Variants in HECW1 observed in about 807,000 individuals in gnomAD.
HECW1 encodes the protein HECT, C2 and WW domain containing E3 ubiquitin protein ligase 1.
HECW1 carries 61 observed loss-of-function variants against 182.3 expected under a neutral mutation model. The observed-to-expected ratio is 0.33, with a 90% CI of 0.27 to 0.41. The LOEUF (loss-of-function observed/expected upper bound fraction) is 0.41, where lower values mean the gene tolerates loss of function less well. HECW1 is among the 10% of genes least tolerant of loss of function. The probability of loss-of-function intolerance (pLI) is 1.00; values close to 1 mark genes in which losing one functional copy is unlikely to be tolerated. For synonymous variants in HECW1, 859 were observed against 832.6 expected (o/e 1.03, Z -0.55); for missense variants, 1,739 against 2,108.9 (o/e 0.82, Z 3.44).
At chr7:43,446,280 C>T (rs889603165) in intron 11 of HECW1, among the ~76,000 whole-genome samples, 2 of 152,092 alleles carry the variant, frequency 1.3e-5, no homozygotes, top group African/African-American at 2.4e-5. Flanking sequence ...AGTTTTAAAA[C>T]GTATTCTGTG....
intron 8 of HECW1, among the ~76,000 whole-genome samples, chr7:43,410,829 T>C (rs1450415507): frequency 6.6e-6 from 1 of 152,176 alleles, no homozygotes; most frequent in Non-Finnish European, 1.5e-5. Context: ...CTTTTAATGT[T>C]TGTAGGCTTA....
intron 2 of HECW1, among the ~76,000 whole-genome samples, chr7:43,205,561 G>T (rs547661575): frequency 4.0e-4 from 61 of 152,308 alleles, no homozygotes; most frequent in African/African-American, 1.4e-3. Flanking sequence ...TCTGAATAGA[G>T]TCTGGTCAAG....
At chr7:43,247,945 AAAGG>A (rs2152723525) in intron 3 of HECW1, among the ~76,000 whole-genome samples, 1 of 141,116 alleles carries the variant, frequency 7.1e-6, no homozygotes, top group Admixed American at 6.9e-5. Context: ...GAGAGAGAAA[AAAGG>A]AGGGAAGGAA....
At chr7:43,279,498 C>T (rs751487226) in intron 3 of HECW1, among the ~76,000 whole-genome samples, 19 of 152,092 alleles carry the variant, frequency 1.2e-4, no homozygotes, top group Non-Finnish European at 2.1e-4. Flanking sequence ...ACCCGACCAT[C>T]CACGCTCTTC....
chr7:43,477,105 G>A (rs6978738), intron 16 of HECW1, among the ~76,000 whole-genome samples: 24,957 of 152,068 alleles, frequency 0.16, 2,608 homozygotes, highest in South Asian at 0.23. Flanking sequence ...TTCTTTTGTA[G>A]ATTCCCTGGG....
At chr7:43,217,513 G>C (rs1796548528) in intron 2 of HECW1, among the ~76,000 whole-genome samples, 1 of 152,144 alleles carries the variant, frequency 6.6e-6, no homozygotes, top group Non-Finnish European at 1.5e-5. Flanking sequence ...AGATGAATTG[G>C]GGTACCCTCG....
intron 2 of HECW1, among the ~76,000 whole-genome samples, chr7:43,132,663 A>G (rs73097362): frequency 0.048 from 7,284 of 152,120 alleles, 250 homozygotes; most frequent in East Asian, 0.16. Flanking sequence ...AATTAACCCA[A>G]TTTTGCCCAG....
intron 13 of HECW1, among the ~76,000 whole-genome samples, chr7:43,456,982 A>G (rs773080576): frequency 3.3e-5 from 5 of 152,256 alleles, no homozygotes; most frequent in Non-Finnish European, 5.9e-5. Context: ...TAATTGATAT[A>G]TGCCCATCAA....
At chr7:43,556,987 G>A (rs1283816488) in intron 29 of HECW1, among the ~76,000 whole-genome samples, 3 of 151,902 alleles carry the variant, frequency 2.0e-5, no homozygotes, top group Non-Finnish European at 4.4e-5. Context: ...ACCTCTTCTT[G>A]GGACAAGAAG....
intron 8 of HECW1, among the ~76,000 whole-genome samples, chr7:43,415,071 A>G (rs2075943597): frequency 6.6e-6 from 1 of 151,398 alleles, no homozygotes; most frequent in South Asian, 2.1e-4. Context: ...TCCTGTCATT[A>G]TGATGTTAGC....
intron 6 of HECW1, among the ~76,000 whole-genome samples, chr7:43,376,051 TACAC>T (rs1256836992): frequency 4.0e-5 from 6 of 150,986 alleles, no homozygotes; most frequent in Non-Finnish European, 8.8e-5. Flanking sequence ...CACATATATA[TACAC>T]ACACTATTTT....
intron 7 of HECW1, among the ~76,000 whole-genome samples, chr7:43,403,199 A>G (rs2075485690): frequency 2.0e-5 from 3 of 152,210 alleles, no homozygotes; most frequent in African/African-American, 7.2e-5. Flanking sequence ...ATTAACATGT[A>G]TATCTCATGT....
chr7:43,435,504 C>T (rs1171597892), intron 8 of HECW1, among the ~76,000 whole-genome samples: 1 of 152,138 alleles, frequency 6.6e-6, no homozygotes, highest in Non-Finnish European at 1.5e-5. Context: ...CTGTGGAACT[C>T]GTTAGTTCTG....
At chr7:43,451,007 A>T in intron 12 of HECW1, 78 bp downstream of exon 12, 4 of 991,720 alleles carry the variant, frequency 4.0e-6, no homozygotes, top group Non-Finnish European at 6.4e-6. Flanking sequence ...TTGTGTGTAA[A>T]CATCTAAAGT....
Position 43,312,081 on chromosome 7 carries a change from C to G in HECW1, c.346C>G (p.Leu116Val). The G allele has an allele frequency of 1.2e-6, 2 of 1,611,636 alleles. No homozygotes were observed. The highest frequency in any genetic ancestry group is 2.7e-5 in the African/African-American group (2 of 75,008). The change falls in exon 4 of 30, where the codon CTC becomes GTC. Residue 116 changes from leucine to valine, a missense_variant. Around this residue, in one of 5 missense-constraint regions of HECW1, gnomAD observed 279 missense variants for 353.1 expected, o/e 0.79. Coordinates refer to ENST00000395891, the MANE Select transcript of HECW1 (RefSeq NM_015052.5). ...VDAGDWIGMY[L>V]IDEVLSENFL... ...CGCTGGGGACTGGATTGGCATGTAC[C>G]TCATTGGTGAGTAGAATGTGCCAAG...
At chr7:43,421,135 G>T (rs2076168969) in intron 8 of HECW1, among the ~76,000 whole-genome samples, 1 of 152,180 alleles carries the variant, frequency 6.6e-6, no homozygotes, top group Admixed American at 6.5e-5. Flanking sequence ...AGAAATAGAT[G>T]CACCACATAG....
intron 2 of HECW1, among the ~76,000 whole-genome samples, chr7:43,213,536 T>C (rs865980022): frequency 2.7e-5 from 4 of 149,128 alleles, no homozygotes; most frequent in African/African-American, 9.9e-5. Context: ...AGCTCCACCT[T>C]CCGGGTTCAC....
rs1784862559 is a variant in HECW1 at position 43,114,213 on chromosome 7, T to C, written c.-210T>C. ...CAGCAAGAGCAGCATAGTTCAAAAATTGAGGGAGGCATCTTCTCTCTTTTC... is the reference window on the plus strand; with the variant it reads ...CAGCAAGAGCAGCATAGTTCAAAAACTGAGGGAGGCATCTTCTCTCTTTTC... On this transcript the variant is annotated 5_prime_UTR_variant, in exon 2 of 30. Transcript: ENST00000395891. 5 of 1,355,582 alleles carry C rather than the reference T, an allele frequency of 3.7e-6. No individual in the cohort carries two copies. In the East Asian group the frequency reaches 1.0e-4, roughly 28 times the overall value. 84.0% of individuals were successfully genotyped at this position (1,355,582 alleles called of 1,614,324 possible).
intron 13 of HECW1, among the ~76,000 whole-genome samples, chr7:43,463,250 T>C (rs2077648858): frequency 6.6e-6 from 1 of 152,350 alleles, no homozygotes; most frequent in East Asian, 1.9e-4. Flanking sequence ...CAAATAAAAC[T>C]GAGTAGAACT....
Sources: gnomAD v4.1 joint callset for allele counts (sites outside exome capture counted in the v4.1 genomes callset) on GRCh38, gnomAD v4.1.1 for gene constraint, gnomAD v4.1.1 regional missense constraint, MANE v1.5 for transcripts, NCBI Gene and HGNC (gene_info 2026-07-23, HGNC 2026-07-21) for gene names.